Variants in EPB41L4A observed in about 807,000 individuals in gnomAD.
EPB41L4A encodes the protein band 4.1-like protein 4A.
In EPB41L4A, 100 loss-of-function variants were observed where a neutral mutation model predicts 108.6. That is an observed-to-expected ratio of 0.92 (90% CI 0.78 to 1.09). The LOEUF (loss-of-function observed/expected upper bound fraction) is 1.09. Ranked by LOEUF, EPB41L4A falls within the 50% of genes least tolerant of loss-of-function variation. The probability of loss-of-function intolerance (pLI) is 0.00; values close to 1 mark genes in which losing one functional copy is unlikely to be tolerated. For synonymous variants in EPB41L4A, 319 were observed against 289.0 expected (o/e 1.10, Z -1.05); for missense variants, 1,030 against 842.7 (o/e 1.22, Z -2.75).
chr5:112,207,096 AC>A (rs926923136), intron 13 of EPB41L4A: 2 of 152,226 alleles, frequency 1.3e-5, no homozygotes, highest in African/African-American at 4.8e-5. Context: ...TGACAAAAAG[AC>A]CAATGCAATA....
chr5:112,151,085 C>T (rs566850630), intron 12 of EPB41L4A, among the ~76,000 whole-genome samples: 2 of 151,676 alleles, frequency 1.3e-5, no homozygotes, highest in African/African-American at 2.4e-5. Context: ...TGCTGATGGT[C>T]GAAAGATTGC....
In EPB41L4A at chr5:112,167,130, A is replaced by T. The variant is rs1459575765; in HGVS notation, c.1932+1609T>A. ...ACCAACTAAAATTTAAGACAAAAAAAAAAAAAAAAACACCGAAAGATAACT... is the reference window on the plus strand; with the variant it reads ...ACCAACTAAAATTTAAGACAAAAAATAAAAAAAAAACACCGAAAGATAACT... On this transcript the variant is annotated intron_variant, in intron 22 of 22. Coordinates refer to ENST00000261486, the MANE Select transcript of EPB41L4A (RefSeq NM_022140.5). Among the ~76,000 whole-genome samples the T allele has an allele frequency of 1.3e-5, 2 of 151,744 alleles. 1 individual carries two copies. Among genetic ancestry groups the T allele is most frequent in the Non-Finnish European group, 2.9e-5 (2 of 67,908 alleles).
At chr5:112,291,153 T>C (rs1449617433) in intron 2 of EPB41L4A, among the ~76,000 whole-genome samples, 1 of 152,214 alleles carries the variant, frequency 6.6e-6, no homozygotes, top group East Asian at 1.9e-4. Flanking sequence ...ACTCCTCATC[T>C]TGACATTTCC....
intron 1 of EPB41L4A, among the ~76,000 whole-genome samples, chr5:112,415,745 T>C (rs375652843): frequency 2.0e-5 from 3 of 152,046 alleles, no homozygotes; most frequent in Non-Finnish European, 4.4e-5. Flanking sequence ...AAACAACAGA[T>C]AGCAGCAAAA....
chr5:112,179,167 G>A (rs146990858), intron 18 of EPB41L4A, among the ~76,000 whole-genome samples: 2 of 151,912 alleles, frequency 1.3e-5, no homozygotes, highest in Non-Finnish European at 2.9e-5. Flanking sequence ...TATAAAATAT[G>A]AATATCTCAA....
chr5:112,166,083 A>G (rs1267021465), intron 22 of EPB41L4A, among the ~76,000 whole-genome samples: 1 of 152,208 alleles, frequency 6.6e-6, no homozygotes, highest in Non-Finnish European at 1.5e-5. Flanking sequence ...TGAAATAAGT[A>G]CTATGTTGTA....
Position 112,211,513 on chromosome 5 carries a change from G to A in EPB41L4A, c.1088-1531C>T, listed in dbSNP as rs553021803. Among the ~76,000 whole-genome samples the A allele has an allele frequency of 2.8e-4, 42 of 152,016 alleles. 1 individual carries two copies. Among genetic ancestry groups the A allele is most frequent in the African/African-American group, 9.9e-4 (41 of 41,480 alleles). ...AGGAGAATTGCTTGAACTGGGACCC[G>A]GGAGGTGGAGGTTGTAGTGAGCTGA... On this transcript the variant is annotated intron_variant, in intron 12 of 22. Transcript: ENST00000261486.
chr5:112,274,464 C>A (rs1176615556), intron 4 of EPB41L4A, among the ~76,000 whole-genome samples: 1 of 152,124 alleles, frequency 6.6e-6, no homozygotes, highest in African/African-American at 2.4e-5. Flanking sequence ...TCTTATTCTT[C>A]TGTGTGCAGT....
chr5:112,248,571 C>A (rs1468559146), intron 9 of EPB41L4A, among the ~76,000 whole-genome samples: 1 of 152,096 alleles, frequency 6.6e-6, no homozygotes, highest in Non-Finnish European at 1.5e-5. Flanking sequence ...CTCCATGGGT[C>A]TCTAGAGTAA....
chr5:112,268,052 G>C (rs997521022), intron 4 of EPB41L4A, among the ~76,000 whole-genome samples: 2 of 152,184 alleles, frequency 1.3e-5, no homozygotes, highest in South Asian at 2.1e-4. Flanking sequence ...GAGAAAAGCA[G>C]AGTCAAGTAA....
intron 1 of EPB41L4A, among the ~76,000 whole-genome samples, chr5:112,388,667 TG>T (rs1760727571): frequency 6.6e-6 from 1 of 152,202 alleles, no homozygotes; most frequent in Non-Finnish European, 1.5e-5. Context: ...AACTTTGCAG[TG>T]GACAGCTATC....
At position 112,334,804 on chromosome 5, in the gene EPB41L4A, T is replaced by C. The variant is rs146933658; in HGVS notation, c.100-27314A>G. ...CTGTGTCATGAGTCATGATCCTTAATTTTTGCAAAATAAACCCCTAAACTG... is the reference window on the plus strand; with the variant it reads ...CTGTGTCATGAGTCATGATCCTTAACTTTTGCAAAATAAACCCCTAAACTG... On this transcript the variant is annotated intron_variant, in intron 1 of 22. Transcript: ENST00000261486. Among the ~76,000 whole-genome samples, 678 of 152,266 alleles carry C rather than the reference T, an allele frequency of 4.5e-3. 4 individuals carry two copies. Among genetic ancestry groups the C allele is most frequent in the Middle Eastern group, 0.014 (4 of 294 alleles).
chr5:112,324,250 G>A (rs1184816481), intron 1 of EPB41L4A, among the ~76,000 whole-genome samples: 1 of 152,102 alleles, frequency 6.6e-6, no homozygotes, highest in African/African-American at 2.4e-5. Flanking sequence ...ACTAAGGGGG[G>A]ATATTTATTT....
intron 1 of EPB41L4A, among the ~76,000 whole-genome samples, chr5:112,327,707 G>A (rs1265748771): frequency 6.6e-6 from 1 of 151,900 alleles, no homozygotes; most frequent in Non-Finnish European, 1.5e-5. Flanking sequence ...GACAGAGTGA[G>A]ATCCTGTCTC....
chr5:112,418,089 T>C (rs1762814889), intron 1 of EPB41L4A, among the ~76,000 whole-genome samples: 1 of 152,156 alleles, frequency 6.6e-6, no homozygotes, highest in South Asian at 2.1e-4. Flanking sequence ...GCTGTTGCCT[T>C]ATCTAAAATG....
chr5:112,352,468 A>G (rs974756118), intron 1 of EPB41L4A, among the ~76,000 whole-genome samples: 2 of 152,180 alleles, frequency 1.3e-5, no homozygotes, highest in African/African-American at 2.4e-5. Flanking sequence ...GTCTAAGAAG[A>G]TATATGATAT....
At chr5:112,157,832 T>C (rs1759703938), downstream of EPB41L4A, among the ~76,000 whole-genome samples, 1 of 152,232 alleles carries the variant, frequency 6.6e-6, no homozygotes, top group African/African-American at 2.4e-5. Context: ...TATTCTGCCT[T>C]CCACACAGGG....
At chr5:112,197,181 A>G (rs1762005180) in intron 15 of EPB41L4A, among the ~76,000 whole-genome samples, 1 of 152,130 alleles carries the variant, frequency 6.6e-6, no homozygotes, top group African/African-American at 2.4e-5. Flanking sequence ...TCAAGACTCT[A>G]CTGTTTAAAC....
chr5:112,326,085 G>C (rs548270863), intron 1 of EPB41L4A, among the ~76,000 whole-genome samples: 1 of 152,232 alleles, frequency 6.6e-6, no homozygotes, highest in African/African-American at 2.4e-5. Flanking sequence ...AGGAGTTCAA[G>C]GCTAGAGTAA....
Sources: allele counts gnomAD v4.1 joint callset (sites outside exome capture counted in the v4.1 genomes callset), GRCh38; gene constraint gnomAD v4.1.1; transcripts MANE v1.5; gene names NCBI Gene and HGNC (gene_info 2026-07-23, HGNC 2026-07-21).